Variants in ADGRB2 observed in about 807,000 individuals in gnomAD.
The protein encoded by ADGRB2 is brain-specific angiogenesis inhibitor 2.
Under a neutral mutation model 178.7 loss-of-function variants are expected in ADGRB2, and 47 were observed. The observed-to-expected ratio is 0.26, with a 90% CI of 0.21 to 0.34. The LOEUF (loss-of-function observed/expected upper bound fraction) is 0.34. Among genes scored for constraint, ADGRB2 ranks in the 10% least tolerant of loss-of-function variants. ADGRB2 has a pLI of 1.00. For synonymous variants in ADGRB2, 870 were observed against 912.4 expected, an observed-to-expected ratio of 0.95 and a Z score of 0.84; for missense variants, 1,584 against 2,180.8, an observed-to-expected ratio of 0.73 and a Z score of 5.45.
In ADGRB2 at chr1:31,756,013, G is replaced by C. The variant is rs771259349; in HGVS notation, c.824C>G (p.Thr275Ser). The change falls in exon 4 of 33, where the codon ACC (threonine) becomes AGC (serine). Residue 275 changes from threonine (T) to serine (S), a missense_variant. Transcript: ENST00000373658. The surrounding 1 kb of genome is among the most constrained non-coding windows in gnomAD (Gnocchi z 8.5). ...CTGAGACTCACCATATCTCATCTCG[G>C]TTGTGAACAGATCATTGCTGCTCCC... is the stretch of plus-strand genomic sequence containing the variant. ...HSGSSNDLFT[T>S]EMRYGEEPEE... The C allele has an allele frequency of 3.7e-6, 6 of 1,612,726 alleles. No individual in the cohort carries two copies. The South Asian group carries it at 6.6e-5, about 18-fold the overall frequency.
intron 4 of ADGRB2, among the ~76,000 whole-genome samples, chr1:31,747,203 G>A (rs531023803): frequency 6.6e-6 from 1 of 152,120 alleles, no homozygotes; most frequent in South Asian, 2.1e-4. Flanking sequence ...TAGCTACTCT[G>A]TCCCCATCTC....
At chr1:31,752,608 G>C (rs924879474) in intron 4 of ADGRB2, among the ~76,000 whole-genome samples, 2 of 152,182 alleles carry the variant, frequency 1.3e-5, no homozygotes, top group African/African-American at 2.4e-5. Flanking sequence ...AGGAGTTCTG[G>C]ATAACCAAGG....
Position 31,756,787 on chromosome 1 carries a change from C to T in ADGRB2, c.50G>A (p.Cys17Tyr). Residue 17 changes from cysteine to tyrosine, a missense_variant, in exon 4 of 33, where the codon TGT becomes TAT. This residue lies in a region of ADGRB2 where 657 missense variants were observed against 847.6 expected (regional missense o/e 0.78). Transcript: ENST00000373658. This position sits in a 1 kb window ranked among gnomAD's most constrained non-coding sequence, Gnocchi z 8.5. ...MGKGHRMTPA[C>Y]PLLLSVILSL... ...CAGAATCACAGACAGTAAGAGGGGACAGGCTGGGGTCATCCTATGTCCCTT... is the reference window on the plus strand; with the variant it reads ...CAGAATCACAGACAGTAAGAGGGGATAGGCTGGGGTCATCCTATGTCCCTT... 1 of 1,499,364 alleles carries T rather than the reference C, an allele frequency of 6.7e-7. No homozygotes were observed. Among genetic ancestry groups the T allele is most frequent in the South Asian group, 1.3e-5 (1 of 75,480 alleles). The allele number at this position is 1,499,364 out of a possible 1,614,324, so 92.9% of individuals were successfully genotyped here.
In ADGRB2 at chr1:31,740,264, C is replaced by T; in HGVS notation, c.1989+83G>A. ...ACTATAGCCACACTTGCCGCCTCTA[C>T]AGCAGACTCTGCCTAGGGGCCTGGC... On this transcript the variant is annotated intron_variant, in intron 12 of 32. Coordinates refer to ENST00000373658, the MANE Select transcript of ADGRB2 (RefSeq NM_001364857.2). The surrounding 1 kb of genome is among the most constrained non-coding windows in gnomAD (Gnocchi z 5.9). The T allele has an allele frequency of 6.2e-7, 1 of 1,606,826 alleles. No homozygotes were observed. The highest frequency in any genetic ancestry group is 8.5e-7 in the Non-Finnish European group (1 of 1,175,260).
rs138537223 is a variant in ADGRB2, at chr1:31,744,688, C to T, written c.882G>A (p.Pro294=). The change falls in exon 5 of 33, where the codon CCG becomes CCA. Residue 294 remains proline (P), a synonymous_variant. Coordinates refer to ENST00000373658, the MANE Select transcript of ADGRB2 (RefSeq NM_001364857.2). The surrounding 1 kb of genome is among the most constrained non-coding windows in gnomAD (Gnocchi z 6.7). ...EEEPKVKTQW[P]RSADEPGLYM... ...ATAGCCCAGGCTCATCTGCAGACCT[C>T]GGCCACTGGGTTTTCACTTTCGGTT... 317 of 1,614,222 alleles carry T rather than the reference C, an allele frequency of 2.0e-4. 1 individual carries two copies. In the African/African-American group the frequency reaches 3.8e-3, roughly 20 times the overall value.
chr1:31,746,680 C>A (rs772858173), intron 4 of ADGRB2, among the ~76,000 whole-genome samples: 1 of 152,140 alleles, frequency 6.6e-6, no homozygotes, highest in Admixed American at 6.5e-5. Flanking sequence ...ACCTCAACAT[C>A]GGGAGCCCCC....
chr1:31,751,160 C>G (rs1236827214), intron 4 of ADGRB2, among the ~76,000 whole-genome samples: 1 of 152,220 alleles, frequency 6.6e-6, no homozygotes, highest in Non-Finnish European at 1.5e-5. Flanking sequence ...CTCTTTATAG[C>G]TCCTACCCCC....
Position 31,728,304 on chromosome 1 carries a change from G to A in ADGRB2, c.4417-24C>T. 1 of 1,609,786 alleles carries A rather than the reference G, an allele frequency of 6.2e-7. No individual in the cohort carries two copies. The highest frequency in any genetic ancestry group is 2.2e-5 in the East Asian group (1 of 44,844). ...TTCTAGGGGCCACAGGGCATCAGAG[G>A]GTCGCTCCCCGGGGCAGCACCATGA... On this transcript the variant is annotated intron_variant, in intron 30 of 32. Coordinates refer to ENST00000373658, the MANE Select transcript of ADGRB2 (RefSeq NM_001364857.2). The surrounding 1 kb of genome is among the most constrained non-coding windows in gnomAD (Gnocchi z 6.7).
intron 25 of ADGRB2, among the ~76,000 whole-genome samples, chr1:31,734,592 A>G (rs1004155195): frequency 4.6e-5 from 7 of 152,260 alleles, no homozygotes; most frequent in African/African-American, 1.7e-4. Context: ...GGTTGAGCCT[A>G]AGGTCTTTGT....
chr1:31,750,250 C>T (rs1646498383), intron 4 of ADGRB2, among the ~76,000 whole-genome samples: 1 of 152,202 alleles, frequency 6.6e-6, no homozygotes, highest in African/African-American at 2.4e-5. Context: ...GGATCTTGGG[C>T]TCATCCCTCC....
chr1:31,741,344 T>C lies in ADGRB2; in HGVS notation c.1794+29A>G. 4 of 1,569,910 alleles carry C rather than the reference T, an allele frequency of 2.5e-6. No homozygotes were observed. Among genetic ancestry groups the C allele is most frequent in the Non-Finnish European group, 3.5e-6 (4 of 1,154,436 alleles). The stretch of plus-strand genomic sequence containing the variant: ...TAGCAGAGTCTGAGACAGATTCTGC[T>C]GTGCCCCAGCCCAGCAGGGTGCACT... On this transcript the variant is annotated intron_variant, in intron 11 of 32. Coordinates refer to ENST00000373658, the MANE Select transcript of ADGRB2 (RefSeq NM_001364857.2). The surrounding 1 kb of genome is among the most constrained non-coding windows in gnomAD (Gnocchi z 6.5).
chr1:31,742,922 T>G lies in ADGRB2; in HGVS notation c.1168A>C (p.Thr390Pro), dbSNP rs1441598049. Residue 390 changes from threonine to proline, a missense_variant, in exon 7 of 33, where the codon ACC becomes CCC. Physicochemically the swap from Thr to Pro is conservative, Grantham distance 38 (BLOSUM62 -1). Transcript: ENST00000373658. ...CCGCCGTGCTGGGGGGGCACGCAGG[T>G]CCGCATCCGGCTCCGGGACCCCCGC... Reference protein sequence around the residue: ...CGRGSRSRMRTCVPPQHGGKA... With the variant: ...CGRGSRSRMRPCVPPQHGGKA... 1 of 1,541,946 alleles carries G rather than the reference T, an allele frequency of 6.5e-7. No homozygotes were observed.
chr1:31,735,065 G>A lies in ADGRB2; in HGVS notation c.3452+118C>T, dbSNP rs1478611817. 9.6e-7 allele frequency: 1 copy of A among 1,037,892 alleles called. No individual in the cohort carries two copies. The highest frequency in any genetic ancestry group is 1.3e-6 in the Non-Finnish European group (1 of 767,888). The allele number at this position is 1,037,892 out of a possible 1,614,324, so 64.3% of individuals were successfully genotyped here. A position where few individuals can be genotyped will look rare whatever the true frequency, so the allele number is the denominator to read the frequency against. On this transcript the variant is annotated intron_variant, in intron 25 of 32. Transcript: ENST00000373658. This position sits in a 1 kb window ranked among gnomAD's most constrained non-coding sequence, Gnocchi z 6.0. The stretch of plus-strand genomic sequence containing the variant: ...AGAGTGTGTGGTGGCTGGCAGGAAA[G>A]GGCAAGCTTTCCAGGGCACTGGGCT...
In ADGRB2 at chr1:31,738,616, G is replaced by A. The variant is rs746552423; in HGVS notation, c.2616C>T (p.Pro872=). 12 of 1,611,696 alleles carry A rather than the reference G, an allele frequency of 7.4e-6. No individual in the cohort carries two copies. Among genetic ancestry groups the A allele is most frequent in the Non-Finnish European group, 1.0e-5 (12 of 1,178,972 alleles). Reference sequence around the variant, plus strand: ...TGGAGTAGTCCCAGCTGGCGCAATGGGGATCCGTGGTCCCCTGGGGAGCAA... The same window carrying A: ...TGGAGTAGTCCCAGCTGGCGCAATGAGGATCCGTGGTCCCCTGGGGAGCAA... The part of the protein sequence containing the change: ...LSYIINGTTD[P]HCASWDYSRA... Residue 872 remains proline, a synonymous_variant, in exon 17 of 33, where the codon CCC becomes CCT. Coordinates refer to ENST00000373658, the MANE Select transcript of ADGRB2 (RefSeq NM_001364857.2).
At position 31,735,237 on chromosome 1, in the gene ADGRB2, G is replaced by A. The variant is rs1399305578; in HGVS notation, c.3398C>T (p.Ala1133Val). The stretch of plus-strand genomic sequence containing the variant: ...CAGGGGGCTGGGGACCGCTCCACAC[G>A]CTGAGCAGGGGAGGAGCAGGCTGGC... Reference protein sequence around the residue: ...PWASLLLPCSACGAVPSPLLS... With the variant: ...PWASLLLPCSVCGAVPSPLLS... The change falls in exon 25 of 33, where the codon GCG (alanine) becomes GTG (valine). Residue 1133 changes from alanine to valine, a missense_variant. Around this residue, in one of 3 missense-constraint regions of ADGRB2, gnomAD observed 865 missense variants for 1,192.8 expected, o/e 0.73. Coordinates refer to ENST00000373658, the MANE Select transcript of ADGRB2 (RefSeq NM_001364857.2). The surrounding 1 kb of genome is among the most constrained non-coding windows in gnomAD (Gnocchi z 6.0). The A allele has an allele frequency of 9.6e-6, 14 of 1,460,868 alleles. No homozygotes were observed. The highest frequency in any genetic ancestry group is 2.5e-5 in the East Asian group (1 of 39,744). The allele number at this position is 1,460,868 out of a possible 1,614,324, so 90.5% of individuals were successfully genotyped here.
Position 31,739,447 on chromosome 1 carries a change from C to T in ADGRB2, c.2356G>A (p.Gly786Arg). The change falls in exon 15 of 33, where the codon GGG becomes AGG. Residue 786 changes from glycine (G) to arginine (R), a missense_variant. Physicochemically the swap from Gly to Arg is moderately radical, Grantham distance 125. Around this residue, in one of 3 missense-constraint regions of ADGRB2, gnomAD observed 865 missense variants for 1,192.8 expected, o/e 0.73. Transcript: ENST00000373658. Reference protein sequence around the residue: ...TSGAAGSPGRGRGPGTVPPGP... With the variant: ...TSGAAGSPGRRRGPGTVPPGP... ...GGAGGCACCGTTCCTGGGCCCCTCCCCCTGCCAGGGCTGCCTGCTGCCCCA... is the reference window on the plus strand; with the variant it reads ...GGAGGCACCGTTCCTGGGCCCCTCCTCCTGCCAGGGCTGCCTGCTGCCCCA... 2 of 1,598,768 alleles carry T rather than the reference C, an allele frequency of 1.3e-6. No homozygotes were observed. The highest frequency in any genetic ancestry group is 8.5e-7 in the Non-Finnish European group (1 of 1,173,054).
chr1:31,740,718 G>A lies in ADGRB2; in HGVS notation c.1795-177C>T, dbSNP rs973211002. On this transcript the variant is annotated intron_variant, in intron 11 of 32. Coordinates refer to ENST00000373658, the MANE Select transcript of ADGRB2 (RefSeq NM_001364857.2). The surrounding 1 kb of genome is among the most constrained non-coding windows in gnomAD (Gnocchi z 5.9). ...AGAGTCCGAGAAAGAGACTCATAGAGAGAGAGAGAATCCCAAAGGGTACTT... is the reference window on the plus strand; with the variant it reads ...AGAGTCCGAGAAAGAGACTCATAGAAAGAGAGAGAATCCCAAAGGGTACTT... 1.3e-5 allele frequency among the ~76,000 whole-genome samples: 2 copies of A among 152,118 alleles called. No individual in the cohort carries two copies. Among genetic ancestry groups the A allele is most frequent in the African/African-American group, 4.8e-5 (2 of 41,424 alleles).
At chr1:31,729,086 C>CCAGG (rs1293934832) in intron 29 of ADGRB2, among the ~76,000 whole-genome samples, 3 of 152,168 alleles carry the variant, frequency 2.0e-5, no homozygotes, top group Non-Finnish European at 2.9e-5. Context: ...TCCTGCCAAA[C>CCAGG]CAGGCGCTGC....
At position 31,764,143 on chromosome 1, in the gene ADGRB2, CCCCCCGCT is replaced by C. The variant is rs1323267306; in HGVS notation, c.-458_-451del. 2.9e-5 allele frequency: 21 copies of C among 723,390 alleles called. No homozygotes were observed. Among genetic ancestry groups the C allele is most frequent in the African/African-American group, 2.0e-4 (10 of 50,916 alleles). 44.8% of individuals were successfully genotyped at this position (723,390 alleles called of 1,614,324 possible). On this transcript the variant is annotated 5_prime_UTR_variant, in exon 1 of 33. Coordinates refer to ENST00000373658, the MANE Select transcript of ADGRB2 (RefSeq NM_001364857.2). The surrounding 1 kb of genome is among the most constrained non-coding windows in gnomAD (Gnocchi z 7.3). The stretch of plus-strand genomic sequence containing the variant: ...CCGCCGCCGCCTCCTTGCCGCGCCG[CCCCCCGCT>C]CCCCCGCTCCCCCGCCCCGAGCACC...
Sources: gnomAD v4.1 joint callset for allele counts (sites outside exome capture counted in the v4.1 genomes callset) on GRCh38, gnomAD v4.1.1 for gene constraint, gnomAD v4.1.1 regional missense constraint, Gnocchi (gnomAD v3.1) non-coding constraint, MANE v1.5 for transcripts, NCBI Gene and HGNC (gene_info 2026-07-23, HGNC 2026-07-21) for gene names.